Variants in WDR41 observed in about 807,000 individuals in gnomAD.
WDR41 encodes WD repeat-containing protein 41.
WDR41 carries 63 observed loss-of-function variants against 69.3 expected under a neutral mutation model. The observed-to-expected ratio is 0.91, with a 90% CI of 0.74 to 1.12. The LOEUF is 1.12. Among genes scored for constraint, WDR41 ranks in the 50% most tolerant of loss-of-function variants. WDR41 has a pLI of 0.00. For synonymous variants in WDR41, 185 were observed against 192.1 expected (o/e 0.96, Z 0.31); for missense variants, 543 against 534.5 (o/e 1.02, Z -0.16).
chr5:77,528,986 CA>C (rs1364177048), intron 1 of WDR41, among the ~76,000 whole-genome samples: 1 of 151,268 alleles, frequency 6.6e-6, no homozygotes, highest in Non-Finnish European at 1.5e-5. Context: ...TAAGAATGCC[CA>C]CTGTCATTTC....
At chr5:77,446,073 A>T (rs1033089165) in intron 8 of WDR41, among the ~76,000 whole-genome samples, 1 of 152,206 alleles carries the variant, frequency 6.6e-6, no homozygotes, top group Non-Finnish European at 1.5e-5. Flanking sequence ...CAACTTCAAT[A>T]AAGTCTCAGG....
At chr5:77,599,120 CG>C (rs999778921) in intron 1 of WDR41, among the ~76,000 whole-genome samples, 124 of 139,808 alleles carry the variant, frequency 8.9e-4, no homozygotes, top group Middle Eastern at 7.7e-3. Flanking sequence ...CTAAAACATA[CG>C]TTTTTTTTTT....
intron 1 of WDR41, among the ~76,000 whole-genome samples, chr5:77,574,925 T>G (rs1743802792): frequency 6.6e-6 from 1 of 152,202 alleles, no homozygotes; most frequent in Admixed American, 6.5e-5. Context: ...CAATACATCT[T>G]AATCTCCAGA....
chr5:77,463,225 G>C lies in WDR41; in HGVS notation c.218C>G (p.Thr73Arg), dbSNP rs1581722917. 1 of 1,603,220 alleles carries C rather than the reference G, an allele frequency of 6.2e-7. No individual in the cohort carries two copies. Reference protein sequence around the residue: ...DGIVVVWNAQTGEKLLELNGH... With the variant: ...DGIVVVWNAQRGEKLLELNGH... ...ATTCAGTTCTAAAAGTTTTTCCCCT[G>C]TCTGAAATACCAATAAAAATGTTAA... The change falls in exon 4 of 13, where the codon ACA becomes AGA. Residue 73 changes from threonine (T) to arginine (R), a missense_variant and splice_region_variant. Physicochemically the swap from Thr to Arg is moderately conservative, Grantham distance 71. Transcript: ENST00000296679.
intron 5 of WDR41, among the ~76,000 whole-genome samples, chr5:77,456,478 G>A (rs1249361926): frequency 6.6e-6 from 1 of 152,182 alleles, no homozygotes; most frequent in African/African-American, 2.4e-5. Flanking sequence ...TAGTTTGGTT[G>A]TGGACTTAGG....
chr5:77,449,686 C>T (rs1799543191), intron 8 of WDR41, 74 bp downstream of exon 8: 1 of 936,236 alleles, frequency 1.1e-6, no homozygotes, highest in African/African-American at 1.7e-5. Context: ...CAGAACTAAG[C>T]AAGGCTCGTG....
chr5:77,452,538 A>G (rs1799667473), intron 6 of WDR41: 1 of 152,180 alleles, frequency 6.6e-6, no homozygotes, highest in African/African-American at 2.4e-5. Context: ...AACTGCTTGT[A>G]AAAGCTCCAC....
chr5:77,572,102 A>C (rs1381461284), intron 1 of WDR41, among the ~76,000 whole-genome samples: 1 of 152,162 alleles, frequency 6.6e-6, no homozygotes, highest in African/African-American at 2.4e-5. Flanking sequence ...TTAGGAAGAT[A>C]GGCTAAAAAA....
chr5:77,521,033 C>G (rs1408333646), intron 1 of WDR41, among the ~76,000 whole-genome samples: 1 of 152,146 alleles, frequency 6.6e-6, no homozygotes, highest in African/African-American at 2.4e-5. Flanking sequence ...GACTGGCAAC[C>G]CAAATAAGTC....
intron 1 of WDR41, among the ~76,000 whole-genome samples, chr5:77,507,291 C>T (rs1802123993): frequency 6.6e-6 from 1 of 152,090 alleles, no homozygotes; most frequent in African/African-American, 2.4e-5. Flanking sequence ...ATATATTTTA[C>T]CAAAATTAAA....
intron 1 of WDR41, among the ~76,000 whole-genome samples, chr5:77,578,454 G>A (rs1743874785): frequency 6.6e-6 from 1 of 152,074 alleles, no homozygotes; most frequent in African/African-American, 2.4e-5. Flanking sequence ...GTCATACAAA[G>A]AAACAGGAAA....
intron 1 of WDR41, among the ~76,000 whole-genome samples, chr5:77,534,697 G>A (rs1434283993): frequency 7.5e-6 from 1 of 133,954 alleles, no homozygotes; most frequent in African/African-American, 3.2e-5. Context: ...GCCTCCCAAA[G>A]TGCTGTGATT....
At chr5:77,464,347 G>A (rs1425216346) in intron 3 of WDR41, among the ~76,000 whole-genome samples, 1 of 127,980 alleles carries the variant, frequency 7.8e-6, no homozygotes, top group Non-Finnish European at 1.5e-5. Flanking sequence ...GCATGTTCTC[G>A]GCTCACTGCA....
intron 7 of WDR41, among the ~76,000 whole-genome samples, chr5:77,450,441 T>C (rs1799580585): frequency 6.6e-6 from 1 of 152,250 alleles, no homozygotes; most frequent in African/African-American, 2.4e-5. Flanking sequence ...ATGTTCAATG[T>C]GTTGCTTTAC....
chr5:77,539,841 T>A (rs560557384), intron 1 of WDR41, among the ~76,000 whole-genome samples: 4 of 152,290 alleles, frequency 2.6e-5, no homozygotes, highest in Admixed American at 2.6e-4. Flanking sequence ...AAACTTGGAT[T>A]ATATCCAATG....
intron 1 of WDR41, among the ~76,000 whole-genome samples, chr5:77,504,623 C>T (rs561368005): frequency 6.6e-6 from 1 of 152,334 alleles, no homozygotes; most frequent in African/African-American, 2.4e-5. Flanking sequence ...CAAAAATCCT[C>T]AATAAAATAC....
intron 1 of WDR41, among the ~76,000 whole-genome samples, chr5:77,611,825 A>T (rs1305005109): frequency 4.6e-5 from 7 of 152,000 alleles, no homozygotes; most frequent in African/African-American, 7.2e-5. Context: ...GACACAAAAA[A>T]CCCTTCAAAA....
At chr5:77,491,150 A>G (rs1801761861) in intron 1 of WDR41, 1 of 406,938 alleles carries the variant, frequency 2.5e-6, no homozygotes, top group African/African-American at 2.1e-5. Flanking sequence ...ATTCCACCAC[A>G]AAAGTGAAAA....
At chr5:77,499,628 G>A (rs750310684) in intron 1 of WDR41, 2 of 152,154 alleles carry the variant, frequency 1.3e-5, no homozygotes, top group African/African-American at 4.8e-5. Context: ...CACCAGAGGT[G>A]GAGCAATTAC....
Sources: allele counts gnomAD v4.1 joint callset (sites outside exome capture counted in the v4.1 genomes callset), GRCh38; gene constraint gnomAD v4.1.1; transcripts MANE v1.5; gene names NCBI Gene and HGNC (gene_info 2026-07-23, HGNC 2026-07-21).